Variants in RARS2 observed in about 807,000 individuals in gnomAD.
RARS2 encodes probable arginine--tRNA ligase, mitochondrial.
In RARS2, 67 loss-of-function variants were observed where a neutral mutation model predicts 88.5. That is an observed-to-expected ratio of 0.76 (90% CI 0.62 to 0.93). The LOEUF (loss-of-function observed/expected upper bound fraction) is 0.93. RARS2 is among the 40% of genes least tolerant of loss of function. RARS2 has a pLI of 0.00. For missense variants in RARS2, 664 were observed against 684.2 expected (o/e 0.97, Z 0.33); for synonymous variants, 239 against 230.3 (o/e 1.04, Z -0.34).
chr6:87,524,459 G>A (rs1774997553), intron 11 of RARS2, 98 bp downstream of exon 11: 1 of 948,236 alleles, frequency 1.1e-6, no homozygotes, highest in African/African-American at 1.6e-5. Flanking sequence ...AATGTCATCA[G>A]CTGTGGAATC....
chr6:87,535,748 C>T (rs1245101569), intron 8 of RARS2, among the ~76,000 whole-genome samples: 1 of 147,750 alleles, frequency 6.8e-6, no homozygotes, highest in Non-Finnish European at 1.5e-5. Context: ...GTGATCTCAG[C>T]TCACTGCAAC....
At chr6:87,525,693 C>T (rs1030169863) in intron 10 of RARS2, among the ~76,000 whole-genome samples, 10 of 152,044 alleles carry the variant, frequency 6.6e-5, no homozygotes, top group Middle Eastern at 6.8e-3. Context: ...GAATTAGGCG[C>T]GCGCCACCAC....
rs1041033634 is a variant in RARS2 at position 87,570,284 on chromosome 6, G to A, written c.37-694C>T. On this transcript the variant is annotated intron_variant, in intron 1 of 19. Coordinates refer to ENST00000369536, the MANE Select transcript of RARS2 (RefSeq NM_020320.5). ...ACTCCCCAAAGTACTGGGATTATAG[G>A]TGTGAGGAACTGTGCCTTGCTGGAT... 1.8e-4 allele frequency among the ~76,000 whole-genome samples: 28 copies of A among 152,236 alleles called. 1 individual carries two copies. The highest frequency in any genetic ancestry group is 7.2e-4 in the Admixed American group (11 of 15,292).
chr6:87,586,542 A>G (rs945363743), intron 1 of RARS2, among the ~76,000 whole-genome samples: 1 of 152,232 alleles, frequency 6.6e-6, no homozygotes, highest in African/African-American at 2.4e-5. Flanking sequence ...TACAGGCTGC[A>G]ATGCAATTAC....
chr6:87,568,074 A>G (rs925512384), intron 2 of RARS2, among the ~76,000 whole-genome samples: 7 of 152,170 alleles, frequency 4.6e-5, no homozygotes, highest in African/African-American at 1.7e-4. Context: ...CCCGGCCCCA[A>G]TATTTATTTT....
At chr6:87,525,818 T>G (rs1181142480) in intron 10 of RARS2, among the ~76,000 whole-genome samples, 2 of 152,100 alleles carry the variant, frequency 1.3e-5, no homozygotes, top group East Asian at 3.9e-4. Flanking sequence ...AGTGCTGGGA[T>G]TACAGGCGTG....
At chr6:87,585,445 C>T (rs1452457671) in intron 1 of RARS2, among the ~76,000 whole-genome samples, 1 of 152,110 alleles carries the variant, frequency 6.6e-6, no homozygotes, top group Non-Finnish European at 1.5e-5. Context: ...GAAATAAATT[C>T]CTTTGCCTGG....
chr6:87,518,746 C>T lies in RARS2; in HGVS notation c.1306-7G>A, dbSNP rs577289150. ...AGAGTAAACCTTTGAAGTCCTAAAA[C>T]GACAGAGGAAATCTTCACTGCTGGG... is the stretch of plus-strand genomic sequence containing the variant. On this transcript the variant is annotated splice_region_variant and splice_polypyrimidine_tract_variant and intron_variant, in intron 15 of 19. Coordinates refer to ENST00000369536, the MANE Select transcript of RARS2 (RefSeq NM_020320.5). The T allele has an allele frequency of 2.0e-5, 32 of 1,613,294 alleles. No homozygotes were observed. The highest frequency in any genetic ancestry group is 4.4e-5 in the South Asian group (4 of 91,060).
At chr6:87,538,610 T>C (rs1413962932) in intron 8 of RARS2, among the ~76,000 whole-genome samples, 2 of 152,144 alleles carry the variant, frequency 1.3e-5, no homozygotes, top group Non-Finnish European at 2.9e-5. Context: ...CCTACACCTA[T>C]ATATGGCTAG....
At chr6:87,578,678 G>A (rs1179202651) in intron 1 of RARS2, among the ~76,000 whole-genome samples, 1 of 152,046 alleles carries the variant, frequency 6.6e-6, no homozygotes, top group Non-Finnish European at 1.5e-5. Flanking sequence ...ACTAATATTG[G>A]CTGGACGCAG....
chr6:87,547,733 G>A (rs6905480), intron 6 of RARS2, among the ~76,000 whole-genome samples: 9,661 of 151,468 alleles, frequency 0.064, 388 homozygotes, highest in African/African-American at 0.12. Flanking sequence ...TCTGCCTCCC[G>A]GGTTCAAGCG....
At chr6:87,539,605 G>C (rs898624169) in intron 8 of RARS2, among the ~76,000 whole-genome samples, 1 of 151,504 alleles carries the variant, frequency 6.6e-6, no homozygotes, top group African/African-American at 2.4e-5. Flanking sequence ...AGTTAAAGTT[G>C]CTAGCCAATC....
At chr6:87,552,787 G>A (rs144036173) in intron 5 of RARS2, among the ~76,000 whole-genome samples, 298 of 152,012 alleles carry the variant, frequency 2.0e-3, no homozygotes, top group African/African-American at 6.9e-3. Flanking sequence ...GGTAAGTAAT[G>A]GTGGCAACTT....
At chr6:87,526,021 T>A (rs569327693) in intron 10 of RARS2, among the ~76,000 whole-genome samples, 6 of 152,090 alleles carry the variant, frequency 3.9e-5, no homozygotes, top group Non-Finnish European at 8.8e-5. Context: ...AAAACACAGA[T>A]AAATGGAAAG....
At position 87,564,252 on chromosome 6, in the gene RARS2, C is replaced by T. The variant is rs80172606; in HGVS notation, c.111-20G>A. On this transcript the variant is annotated intron_variant, in intron 2 of 19. Coordinates refer to ENST00000369536, the MANE Select transcript of RARS2 (RefSeq NM_020320.5). ...ACTTCTCTAAAGACAGACATCGAAA[C>T]GAGATAGAACTGTTACCTTAAAAGC... is the stretch of plus-strand genomic sequence containing the variant. 1,497 of 1,528,148 alleles carry T rather than the reference C, an allele frequency of 9.8e-4. 3 individuals are homozygous for T. The highest frequency in any genetic ancestry group is 1.2e-3 in the Non-Finnish European group (1,331 of 1,102,682). The allele number at this position is 1,528,148 out of a possible 1,614,324, so 94.7% of individuals were successfully genotyped here.
chr6:87,568,255 T>A (rs1275743915), intron 2 of RARS2, among the ~76,000 whole-genome samples: 2 of 152,168 alleles, frequency 1.3e-5, no homozygotes, highest in African/African-American at 4.8e-5. Flanking sequence ...CCCAGTACTT[T>A]GGGAGACCAA....
At chr6:87,545,777 T>C (rs1209977628) in intron 6 of RARS2, 78 bp from the exon 7 acceptor site, 2 of 1,499,298 alleles carry the variant, frequency 1.3e-6, no homozygotes, top group Non-Finnish European at 1.8e-6. Context: ...TTCTCTATTA[T>C]CAAACATAAG....
intron 4 of RARS2, 67 bp from the exon 5 acceptor site, chr6:87,555,572 G>A: frequency 8.0e-7 from 1 of 1,255,492 alleles, no homozygotes. Context: ...CTGTTACTGA[G>A]AATTAAATGT....
intron 8 of RARS2, among the ~76,000 whole-genome samples, chr6:87,539,927 G>A (rs1275844474): frequency 6.6e-6 from 1 of 152,046 alleles, no homozygotes; most frequent in Non-Finnish European, 1.5e-5. Flanking sequence ...TTATTCAAGT[G>A]TAAAAATAAA....
Sources: allele counts gnomAD v4.1 joint callset (sites outside exome capture counted in the v4.1 genomes callset), GRCh38; gene constraint gnomAD v4.1.1; transcripts MANE v1.5; gene names NCBI Gene and HGNC (gene_info 2026-07-23, HGNC 2026-07-21).